Variants in ACBD6 observed in about 807,000 individuals in gnomAD.
The protein encoded by ACBD6 is acyl-CoA-binding domain-containing protein 6.
Under a neutral mutation model 37.2 loss-of-function variants are expected in ACBD6, and 28 were observed. That is an observed-to-expected ratio of 0.75 (90% CI 0.56 to 1.03). The LOEUF is 1.03. Among genes scored for constraint, ACBD6 ranks in the 50% least tolerant of loss-of-function variants. ACBD6 has a pLI of 0.00. For synonymous variants in ACBD6, 113 were observed against 126.8 expected (o/e 0.89, Z 0.73); for missense variants, 340 against 337.4 (o/e 1.01, Z -0.06).
intron 6 of ACBD6, among the ~76,000 whole-genome samples, chr1:180,342,499 T>C (rs576384408): frequency 6.6e-5 from 10 of 152,134 alleles, no homozygotes; most frequent in Non-Finnish European, 2.9e-5. Context: ...ACTTAAGAAA[T>C]ATTCAATCAT....
Position 180,314,729 on chromosome 1 carries a change from A to G in ACBD6, c.664-7T>C, listed in dbSNP as rs1271628166. 6.5e-7 allele frequency: 1 copy of G among 1,530,268 alleles called. No homozygotes were observed. Among genetic ancestry groups the G allele is most frequent in the South Asian group, 1.1e-5 (1 of 89,322 alleles). 94.8% of individuals were successfully genotyped at this position (1,530,268 alleles called of 1,614,324 possible). On this transcript the variant is annotated splice_polypyrimidine_tract_variant and splice_region_variant and intron_variant, in intron 6 of 7. Coordinates refer to ENST00000367595, the MANE Select transcript of ACBD6 (RefSeq NM_032360.4). ...CTGTTTGGCCTTCATTGTCCTATAA[A>G]AGAAACAAATAATACATTTTAGAAG...
chr1:180,488,799 T>G (rs1408527435), intron 3 of ACBD6, among the ~76,000 whole-genome samples: 2 of 152,118 alleles, frequency 1.3e-5, no homozygotes, highest in East Asian at 3.8e-4. Flanking sequence ...CAGGCTGCTC[T>G]CAAACTCCTG....
At chr1:180,301,506 T>C (rs1183739849) in intron 7 of ACBD6, among the ~76,000 whole-genome samples, 1 of 152,196 alleles carries the variant, frequency 6.6e-6, no homozygotes, top group East Asian at 1.9e-4. Context: ...TTATTGATGC[T>C]GTATGTTTAT....
exon 14 of ACBD6, chr1:180,271,144 G>T (rs1012990645): frequency 1.7e-6 from 1 of 588,542 alleles, no homozygotes; most frequent in Non-Finnish European, 3.1e-6. Context: ...TTGAGGCAGG[G>T]AGCTGAGCAG....
intron 6 of ACBD6, among the ~76,000 whole-genome samples, chr1:180,329,667 AT>A (rs889741950): frequency 1.3e-5 from 2 of 151,910 alleles, no homozygotes; most frequent in South Asian, 4.2e-4. Flanking sequence ...GTGATTTTCA[AT>A]TTTTTTTAAC....
intron 3 of ACBD6, among the ~76,000 whole-genome samples, chr1:180,477,927 A>G (rs1650862498): frequency 6.6e-6 from 1 of 151,476 alleles, no homozygotes; most frequent in South Asian, 2.1e-4. Context: ...GGATAACTTG[A>G]GCCCAGGAGT....
chr1:180,352,568 G>A (rs903644950), intron 6 of ACBD6, among the ~76,000 whole-genome samples: 1 of 152,172 alleles, frequency 6.6e-6, no homozygotes, highest in African/African-American at 2.4e-5. Flanking sequence ...CCTACTGAGA[G>A]GGGGCCTTAA....
intron 6 of ACBD6, among the ~76,000 whole-genome samples, chr1:180,348,791 G>C (rs1652289279): frequency 6.6e-6 from 1 of 152,100 alleles, no homozygotes; most frequent in African/African-American, 2.4e-5. Context: ...TTTCTTGTCT[G>C]CTATATTCCA....
chr1:180,318,175 C>CCAA (rs10632390), intron 6 of ACBD6, among the ~76,000 whole-genome samples: 5,855 of 102,808 alleles, frequency 0.057, 659 homozygotes, highest in African/African-American at 0.18. Flanking sequence ...CCCCCCCCCC[C>CCAA]AAAAAAAAAA....
At chr1:180,470,949 G>T (rs965081236) in intron 3 of ACBD6, among the ~76,000 whole-genome samples, 1 of 152,102 alleles carries the variant, frequency 6.6e-6, no homozygotes, top group Non-Finnish European at 1.5e-5. Context: ...AAATAAATCC[G>T]TCTCTTAAAG....
At chr1:180,389,174 C>T (rs1366694228) in intron 6 of ACBD6, among the ~76,000 whole-genome samples, 1 of 152,122 alleles carries the variant, frequency 6.6e-6, no homozygotes, top group Non-Finnish European at 1.5e-5. Context: ...CACAACAGGC[C>T]CCAGAGTGTG....
At chr1:180,375,627 G>A (rs1048437206) in intron 6 of ACBD6, among the ~76,000 whole-genome samples, 11 of 152,114 alleles carry the variant, frequency 7.2e-5, no homozygotes, top group Non-Finnish European at 1.3e-4. Context: ...TGCCCAGCTG[G>A]AATAGACTTT....
At chr1:180,485,364 C>A (rs551053822) in intron 3 of ACBD6, among the ~76,000 whole-genome samples, 2 of 152,152 alleles carry the variant, frequency 1.3e-5, no homozygotes, top group African/African-American at 2.4e-5. Context: ...GTCAATGAGA[C>A]CTTAATTGGA....
At chr1:180,353,379 T>C (rs895206074) in intron 6 of ACBD6, among the ~76,000 whole-genome samples, 26 of 152,268 alleles carry the variant, frequency 1.7e-4, no homozygotes, top group Admixed American at 2.6e-4. Flanking sequence ...TACTCTGTGA[T>C]AGCCCATGTC....
intron 6 of ACBD6, 62 bp downstream of exon 6, chr1:180,397,454 T>G: frequency 7.0e-7 from 1 of 1,431,504 alleles, no homozygotes; most frequent in Non-Finnish European, 9.9e-7. Flanking sequence ...ATCTGGTAAA[T>G]TTTATGTTAT....
intron 9 of ACBD6, chr1:180,276,986 G>A (rs1450108646): frequency 6.6e-6 from 1 of 152,164 alleles, no homozygotes; most frequent in African/African-American, 2.4e-5. Flanking sequence ...ATCTCTTGAG[G>A]AACTCAGTGA....
chr1:180,496,025 G>A (rs1404693818), intron 1 of ACBD6, among the ~76,000 whole-genome samples: 1 of 152,078 alleles, frequency 6.6e-6, no homozygotes, highest in African/African-American at 2.4e-5. Flanking sequence ...ACCCTATTAT[G>A]AAATTCATCA....
chr1:180,495,361 T>G, intron 2 of ACBD6, 100 bp downstream of exon 2: 2 of 834,882 alleles, frequency 2.4e-6, no homozygotes, highest in Non-Finnish European at 3.8e-6. Flanking sequence ...GAGAGAGAGA[T>G]TAATATAAAA....
At chr1:180,340,256 C>T (rs1651928134) in intron 6 of ACBD6, among the ~76,000 whole-genome samples, 1 of 152,084 alleles carries the variant, frequency 6.6e-6, no homozygotes, top group East Asian at 1.9e-4. Flanking sequence ...AGAGGAATAG[C>T]TTGACTTCAC....
Sources: allele counts gnomAD v4.1 joint callset (sites outside exome capture counted in the v4.1 genomes callset), GRCh38; gene constraint gnomAD v4.1.1; transcripts MANE v1.5; gene names NCBI Gene and HGNC (gene_info 2026-07-23, HGNC 2026-07-21).